COX10: variants seen among roughly 807,000 people sequenced by gnomAD.
COX10 encodes protoheme IX farnesyltransferase, mitochondrial.
In COX10, 27 loss-of-function variants were observed where a neutral mutation model predicts 37.3. The ratio of observed to expected loss-of-function variants is 0.72; its 90% CI spans 0.53 to 1.00. The LOEUF is 1.00. Among genes scored for constraint, COX10 ranks in the 50% least tolerant of loss-of-function variants. COX10 has a pLI of 0.00. For synonymous variants in COX10, 222 were observed against 229.1 expected, an observed-to-expected ratio of 0.97 and a Z score of 0.28; for missense variants, 475 against 563.2, an observed-to-expected ratio of 0.84 and a Z score of 1.59.
chr17:14,109,556 T>G (rs1915969413), intron 4 of COX10, among the ~76,000 whole-genome samples: 1 of 152,132 alleles, frequency 6.6e-6, no homozygotes, highest in South Asian at 2.1e-4. Flanking sequence ...ATTATTCCAG[T>G]ATTGTAGAAG....
intron 4 of COX10, among the ~76,000 whole-genome samples, chr17:14,149,360 G>A (rs1956523202): frequency 6.6e-6 from 1 of 152,138 alleles, no homozygotes; most frequent in African/African-American, 2.4e-5. Flanking sequence ...GATTTGAAGT[G>A]GTTAGCTTTA....
In COX10 at chr17:14,206,801, C is replaced by CCCT; in HGVS notation, c.929-7_929-6insTCC. 6.2e-7 allele frequency: 1 copy of CCCT among 1,614,110 alleles called. No homozygotes were observed. Among genetic ancestry groups the CCCT allele is most frequent in the Non-Finnish European group, 8.5e-7 (1 of 1,180,004 alleles). ...TTTGTCTCCCTCTCCTTCCCTGACC[C>CCCT]CCGCACAGGCGCATTTCTCCTGGGA... On this transcript the variant is annotated splice_polypyrimidine_tract_variant and intron_variant, in intron 6 of 6. Transcript: ENST00000261643.
intron 4 of COX10, among the ~76,000 whole-genome samples, chr17:14,107,043 G>T (rs997382871): frequency 6.6e-6 from 1 of 151,848 alleles, no homozygotes; most frequent in Non-Finnish European, 1.5e-5. Context: ...CTGTTGTGTG[G>T]GCTGTCCTGT....
intron 1 of COX10, among the ~76,000 whole-genome samples, chr17:14,072,490 G>A (rs1915049104): frequency 6.6e-6 from 1 of 152,120 alleles, no homozygotes; most frequent in African/African-American, 2.4e-5. Context: ...CAAGTAGCTG[G>A]AATTACAGGC....
chr17:14,121,818 G>A (rs1407977593), intron 4 of COX10, among the ~76,000 whole-genome samples: 2 of 152,132 alleles, frequency 1.3e-5, no homozygotes, highest in Admixed American at 6.5e-5. Context: ...AAAGGCAGTG[G>A]TGCATTTTAG....
rs568571612 is a variant in COX10, at chr17:14,139,525, G to A, written c.625-20352G>A. 3.9e-5 allele frequency among the ~76,000 whole-genome samples: 6 copies of A among 152,186 alleles called. No individual in the cohort carries two copies. The East Asian group carries it at 5.8e-4, about 15-fold the overall frequency. On this transcript the variant is annotated intron_variant, in intron 4 of 6. Transcript: ENST00000261643. ...TTATAATTTTATTATTGAAATTTTCGTAAGAAAGTTTCACATGAAATAACC... is the reference window on the plus strand; with the variant it reads ...TTATAATTTTATTATTGAAATTTTCATAAGAAAGTTTCACATGAAATAACC...
chr17:14,185,683 C>T (rs1046247805), intron 5 of COX10, among the ~76,000 whole-genome samples: 3 of 151,078 alleles, frequency 2.0e-5, no homozygotes, highest in African/African-American at 7.3e-5. Context: ...AAAGAGAGTC[C>T]TTTACTTTTT....
intron 4 of COX10, among the ~76,000 whole-genome samples, chr17:14,146,758 A>C (rs1904730943): frequency 6.6e-6 from 1 of 152,124 alleles, no homozygotes; most frequent in Non-Finnish European, 1.5e-5. Context: ...GGGATTAATA[A>C]CCAGAATGTA....
chr17:14,147,210 A>G (rs1157474065), intron 4 of COX10, among the ~76,000 whole-genome samples: 5 of 152,238 alleles, frequency 3.3e-5, no homozygotes, highest in Non-Finnish European at 7.3e-5. Flanking sequence ...TGTTTGTTGC[A>G]GCTCTGTTCA....
chr17:14,108,192 A>G (rs1915938487), intron 4 of COX10, among the ~76,000 whole-genome samples: 1 of 152,162 alleles, frequency 6.6e-6, no homozygotes, highest in South Asian at 2.1e-4. Flanking sequence ...AATATGTATG[A>G]GGGAGGGGAG....
chr17:14,164,383 G>A, intron 5 of COX10, among the ~76,000 whole-genome samples: 1 of 152,168 alleles, frequency 6.6e-6, no homozygotes, highest in East Asian at 1.9e-4. Flanking sequence ...CTGAGTGTTT[G>A]TGCTTGCACA....
chr17:14,142,069 C>T (rs898559468), intron 4 of COX10, among the ~76,000 whole-genome samples: 2 of 152,164 alleles, frequency 1.3e-5, no homozygotes, highest in African/African-American at 4.8e-5. Context: ...GTCAAGCCCA[C>T]CTGCACTGTT....
intron 5 of COX10, among the ~76,000 whole-genome samples, chr17:14,170,961 G>A (rs2530368): frequency 0.58 from 88,101 of 152,050 alleles, 25,950 homozygotes; most frequent in Non-Finnish European, 0.63. Context: ...TACAGAATTT[G>A]AATGTCTTTA....
At chr17:14,090,360 T>C (rs931681693) in intron 3 of COX10, among the ~76,000 whole-genome samples, 6 of 152,162 alleles carry the variant, frequency 3.9e-5, no homozygotes, top group African/African-American at 1.4e-4. Flanking sequence ...GATTGTCTCT[T>C]ATACTAAGAA....
rs775741794 is a variant in COX10 at position 14,192,015 on chromosome 17, CTTG to C, written c.727_729del (p.Cys243del). 16 of 1,614,086 alleles carry C rather than the reference CTTG, an allele frequency of 9.9e-6. No homozygotes were observed. Among genetic ancestry groups the C allele is most frequent in the Admixed American group, 1.7e-5 (1 of 59,994 alleles). On this transcript the variant is annotated inframe_deletion, in exon 6 of 7. Transcript: ENST00000261643. ...CCATTGCTAGCTGTGTCCTTTGCCACTTGTTGTGCTGTTCCGGGAGTTGCCATT... is the reference window on the plus strand; with the variant it reads ...CCATTGCTAGCTGTGTCCTTTGCCACTTGTGCTGTTCCGGGAGTTGCCATT...
intron 3 of COX10, among the ~76,000 whole-genome samples, chr17:14,084,166 A>G (rs1288471268): frequency 6.6e-6 from 1 of 152,212 alleles, no homozygotes; most frequent in East Asian, 1.9e-4. Flanking sequence ...ATCTTCAGTT[A>G]TTAAATATTT....
intron 6 of COX10, among the ~76,000 whole-genome samples, chr17:14,196,709 T>G (rs796517954): frequency 2.1e-4 from 32 of 152,310 alleles, no homozygotes; most frequent in African/African-American, 7.7e-4. Flanking sequence ...CAAGCCTGTG[T>G]GCCTCCTCTC....
chr17:14,207,511 G>T lies in COX10; in HGVS notation c.*298G>T, dbSNP rs183903455. The T allele has an allele frequency of 5.7e-6, 2 of 353,478 alleles. No individual in the cohort carries two copies. The highest frequency in any genetic ancestry group is 4.2e-5 in the African/African-American group (2 of 48,098). 21.9% of individuals were successfully genotyped at this position (353,478 alleles called of 1,614,324 possible). On this transcript the variant is annotated 3_prime_UTR_variant, in exon 7 of 7. Coordinates refer to ENST00000261643, the MANE Select transcript of COX10 (RefSeq NM_001303.4). Reference sequence around the variant, plus strand: ...TTCTGTTTCTTCCTCCTCACATGGGGGTACACATACACAGCTTCCTCTTTT... The same window carrying T: ...TTCTGTTTCTTCCTCCTCACATGGGTGTACACATACACAGCTTCCTCTTTT...
intron 3 of COX10, among the ~76,000 whole-genome samples, chr17:14,080,552 T>C (rs1856274771): frequency 1.3e-5 from 2 of 152,208 alleles, no homozygotes; most frequent in African/African-American, 4.8e-5. Flanking sequence ...AGTCCACTCC[T>C]GCATAAGCAG....
Sources: allele counts gnomAD v4.1 joint callset (sites outside exome capture counted in the v4.1 genomes callset), GRCh38; gene constraint gnomAD v4.1.1; transcripts MANE v1.5; gene names NCBI Gene and HGNC (gene_info 2026-07-23, HGNC 2026-07-21).